Variants in FREM2 observed in about 807,000 individuals in gnomAD.
FREM2 encodes FRAS1 related extracellular matrix 2, also known as FRAS1-related extracellular matrix protein 2.
Under a neutral mutation model 219.9 loss-of-function variants are expected in FREM2, and 119 were observed. That is an observed-to-expected ratio of 0.54 (90% CI 0.47 to 0.63). The LOEUF (loss-of-function observed/expected upper bound fraction) is 0.63, where lower values mean the gene tolerates loss of function less well. FREM2 is among the 30% of genes least tolerant of loss of function. The pLI is 0.00. For synonymous variants in FREM2, 1,562 were observed against 1,522.8 expected (o/e 1.03, Z -0.60); for missense variants, 4,030 against 3,993.6 (o/e 1.01, Z -0.25).
Position 38,859,526 on chromosome 13 carries a change from G to T in FREM2, c.7455G>T (p.Val2485=), listed in dbSNP as rs777174031. Reference sequence around the variant, plus strand: ...GGGTACAGTGCGCAGCTCGTGCTGTGAACACCAATGGGGATGAAGGCCTGG... The same window carrying T: ...GGGTACAGTGCGCAGCTCGTGCTGTTAACACCAATGGGGATGAAGGCCTGG... ...GSRVQCAARA[V]NTNGDEGLEL... Residue 2485 remains valine (V), a synonymous_variant, in exon 14 of 24, where the codon GTG becomes GTT. Coordinates refer to ENST00000280481, the MANE Select transcript of FREM2 (RefSeq NM_207361.6). 2 of 1,614,042 alleles carry T rather than the reference G, an allele frequency of 1.2e-6. No individual in the cohort carries two copies. The highest frequency in any genetic ancestry group is 2.2e-5 in the East Asian group (1 of 44,866).
intron 14 of FREM2, among the ~76,000 whole-genome samples, chr13:38,860,712 G>A (rs12429404): frequency 2.0e-5 from 3 of 151,862 alleles, no homozygotes; most frequent in Non-Finnish European, 2.9e-5. Context: ...ATAATTCAGC[G>A]TCTTGGTTCC....
At position 38,688,948 on chromosome 13, in the gene FREM2, G is replaced by C; in HGVS notation, c.1604G>C (p.Arg535Pro). The C allele has an allele frequency of 1.2e-6, 2 of 1,613,052 alleles. No homozygotes were observed. Among genetic ancestry groups the C allele is most frequent in the South Asian group, 1.1e-5 (1 of 90,940 alleles). The change falls in exon 1 of 24, where the codon CGC (arginine) becomes CCC (proline). Residue 535 changes from arginine to proline, a missense_variant. Physicochemically the swap from Arg to Pro is moderately radical, Grantham distance 103 (BLOSUM62 -2). This residue lies in a region of FREM2 where 3,102 missense variants were observed against 2,950.7 expected (regional missense o/e 1.05). Coordinates refer to ENST00000280481, the MANE Select transcript of FREM2 (RefSeq NM_207361.6). ...DGSLSDNLVL[R>P]MVDGGGRHQV... Reference sequence around the variant, plus strand: ...TCGCTGAGCGACAACCTGGTGCTTCGCATGGTGGATGGAGGAGGCAGGCAC... The same window carrying C: ...TCGCTGAGCGACAACCTGGTGCTTCCCATGGTGGATGGAGGAGGCAGGCAC...
At chr13:38,801,670 T>C (rs1875013647) in intron 6 of FREM2, among the ~76,000 whole-genome samples, 1 of 152,192 alleles carries the variant, frequency 6.6e-6, no homozygotes, top group Admixed American at 6.5e-5. Context: ...GTGCTGAAGA[T>C]GCTCTGGGAA....
At chr13:38,783,971 C>T (rs374890380) in intron 5 of FREM2, among the ~76,000 whole-genome samples, 11 of 152,318 alleles carry the variant, frequency 7.2e-5, no homozygotes, top group South Asian at 2.1e-4. Context: ...GGCGCGCACG[C>T]GCCTGTAATC....
At chr13:38,760,499 A>G (rs953672007) in intron 2 of FREM2, among the ~76,000 whole-genome samples, 2 of 152,238 alleles carry the variant, frequency 1.3e-5, no homozygotes, top group African/African-American at 4.8e-5. Flanking sequence ...CCCTTTAGTC[A>G]TCAATAATCC....
chr13:38,828,116 A>G (rs923847215), intron 6 of FREM2, among the ~76,000 whole-genome samples: 3 of 152,112 alleles, frequency 2.0e-5, no homozygotes, highest in Non-Finnish European at 4.4e-5. Flanking sequence ...CATTTTAATT[A>G]GAGTAAATTA....
At chr13:38,767,870 T>G (rs141438927) in intron 3 of FREM2, among the ~76,000 whole-genome samples, 19 of 152,342 alleles carry the variant, frequency 1.2e-4, no homozygotes, top group African/African-American at 4.3e-4. Context: ...TGATGCAATA[T>G]TTATGTTAGT....
intron 2 of FREM2, among the ~76,000 whole-genome samples, chr13:38,710,951 T>G (rs1741558836): frequency 6.6e-6 from 1 of 152,260 alleles, no homozygotes; most frequent in Admixed American, 6.5e-5. Flanking sequence ...ATCAAACTCT[T>G]GCTCTTTATA....
At chr13:38,878,795 A>T (rs754103508) in intron 22 of FREM2, 36 bp from the exon 23 acceptor site, 1 of 1,608,354 alleles carries the variant, frequency 6.2e-7, no homozygotes, top group South Asian at 1.1e-5. Context: ...CCGTGGCATT[A>T]TCTACAGCAA....
chr13:38,716,119 A>G (rs1011539596), intron 2 of FREM2, among the ~76,000 whole-genome samples: 4 of 150,182 alleles, frequency 2.7e-5, no homozygotes, highest in African/African-American at 7.4e-5. Context: ...GTCCTGTCTC[A>G]CTGGGATGAA....
At chr13:38,762,241 C>G (rs1178415925) in intron 2 of FREM2, among the ~76,000 whole-genome samples, 2 of 152,132 alleles carry the variant, frequency 1.3e-5, no homozygotes, top group African/African-American at 4.8e-5. Context: ...TGGTCAGAGT[C>G]AGACAGCAGC....
At chr13:38,773,980 A>T (rs9548453) in intron 4 of FREM2, among the ~76,000 whole-genome samples, 42,741 of 149,854 alleles carry the variant, frequency 0.29, 6,394 homozygotes, top group Middle Eastern at 0.42. Flanking sequence ...AATATGTATA[A>T]AATATATAAT....
intron 8 of FREM2, among the ~76,000 whole-genome samples, chr13:38,849,739 AG>A (rs1181702626): frequency 6.6e-6 from 1 of 152,226 alleles, no homozygotes; most frequent in African/African-American, 2.4e-5. Flanking sequence ...AAATTCTGAA[AG>A]GCTCATGACT....
At chr13:38,699,325 C>T (rs1870249735) in intron 2 of FREM2, among the ~76,000 whole-genome samples, 1 of 152,132 alleles carries the variant, frequency 6.6e-6, no homozygotes, top group South Asian at 2.1e-4. Flanking sequence ...TACACAAACA[C>T]ACACACATTA....
Position 38,689,964 on chromosome 13 carries a change from C to T in FREM2, c.2620C>T (p.His874Tyr), listed in dbSNP as rs114555425. ...TTTCACTCTCACTCAGGCACCCAAA[C>T]ATGGCCACATGAGAGTGTCTGGACA... Reference protein sequence around the residue: ...ISFTLTQAPKHGHMRVSGQIL... With the variant: ...ISFTLTQAPKYGHMRVSGQIL... The change falls in exon 1 of 24, where the codon CAT (histidine) becomes TAT (tyrosine). Residue 874 changes from histidine to tyrosine, a missense_variant. His to Tyr is a moderately conservative substitution (Grantham distance 83). Coordinates refer to ENST00000280481, the MANE Select transcript of FREM2 (RefSeq NM_207361.6). 7.3e-5 allele frequency: 118 copies of T among 1,614,154 alleles called. No homozygotes were observed. The African/African-American group carries it at 1.3e-3, about 18-fold the overall frequency.
chr13:38,753,240 ATAAAG>A (rs1872850467), intron 2 of FREM2, among the ~76,000 whole-genome samples: 1 of 152,220 alleles, frequency 6.6e-6, no homozygotes, highest in Non-Finnish European at 1.5e-5. Context: ...TTTAAAGAAA[ATAAAG>A]TAAGTCCTCC....
At chr13:38,752,507 A>G (rs1190059423) in intron 2 of FREM2, among the ~76,000 whole-genome samples, 2 of 152,208 alleles carry the variant, frequency 1.3e-5, no homozygotes, top group Non-Finnish European at 2.9e-5. Context: ...CACTCACAGT[A>G]TTTTAATTCA....
intron 2 of FREM2, among the ~76,000 whole-genome samples, chr13:38,758,610 G>C (rs1873110402): frequency 6.6e-6 from 1 of 152,216 alleles, no homozygotes; most frequent in Non-Finnish European, 1.5e-5. Flanking sequence ...TTTCAGCAAA[G>C]AGTGAAGTCA....
chr13:38,846,067 G>A (rs964732831), intron 6 of FREM2, among the ~76,000 whole-genome samples: 2 of 152,054 alleles, frequency 1.3e-5, no homozygotes, highest in African/African-American at 4.8e-5. Flanking sequence ...TATGACAGTA[G>A]GTTCTAACCC....
Sources: allele counts gnomAD v4.1 joint callset (sites outside exome capture counted in the v4.1 genomes callset), GRCh38; gene constraint gnomAD v4.1.1; regional missense constraint gnomAD v4.1.1; transcripts MANE v1.5; gene names NCBI Gene and HGNC (gene_info 2026-07-23, HGNC 2026-07-21).